ADAMTSL1: variants seen among roughly 807,000 people sequenced by gnomAD.
ADAMTSL1 encodes ADAMTS like 1, also known as ADAMTS-like protein 1.
ADAMTSL1 carries 126 observed loss-of-function variants against 201.8 expected under a neutral mutation model. The ratio of observed to expected loss-of-function variants is 0.62; its 90% CI spans 0.54 to 0.72. The LOEUF is 0.72. ADAMTSL1 is among the 30% of genes least tolerant of loss of function. The pLI is 0.00. For missense variants in ADAMTSL1, 2,679 were observed against 2,277.8 expected (o/e 1.18, Z -3.59); for synonymous variants, 1,121 against 903.4 (o/e 1.24, Z -4.32).
At chr9:18,799,213 T>C (rs1254822010) in intron 20 of ADAMTSL1, among the ~76,000 whole-genome samples, 2 of 152,210 alleles carry the variant, frequency 1.3e-5, no homozygotes, top group Non-Finnish European at 2.9e-5. Context: ...GAGGAGATTA[T>C]AGGAATGTCA....
At chr9:18,476,938 T>C (rs1441221716) in intron 1 of ADAMTSL1, among the ~76,000 whole-genome samples, 1 of 152,184 alleles carries the variant, frequency 6.6e-6, no homozygotes, top group Non-Finnish European at 1.5e-5. Flanking sequence ...GGAACTTATT[T>C]CTGAGAGGAT....
At chr9:18,880,954 G>C (rs1828491795) in intron 23 of ADAMTSL1, among the ~76,000 whole-genome samples, 3 of 152,154 alleles carry the variant, frequency 2.0e-5, no homozygotes, top group Admixed American at 2.0e-4. Context: ...TTTTATGTAA[G>C]AGAGACTGTT....
chr9:18,530,511 C>G (rs1200693706), intron 2 of ADAMTSL1, among the ~76,000 whole-genome samples: 2 of 152,102 alleles, frequency 1.3e-5, no homozygotes, highest in Non-Finnish European at 2.9e-5. Context: ...TTTCACTCAC[C>G]TACTGCAATT....
chr9:18,794,617 T>C (rs914741825), intron 19 of ADAMTSL1, among the ~76,000 whole-genome samples: 1 of 135,138 alleles, frequency 7.4e-6, no homozygotes, highest in Non-Finnish European at 1.5e-5. Context: ...TGTCTGGTTG[T>C]TTTTTGTTGT....
intron 2 of ADAMTSL1, among the ~76,000 whole-genome samples, chr9:18,314,172 CAA>C (rs922724580): frequency 2.0e-5 from 3 of 152,100 alleles, no homozygotes; most frequent in Non-Finnish European, 4.4e-5. Context: ...ATCAAAAAGA[CAA>C]GAGATAGCAC....
intron 2 of ADAMTSL1, among the ~76,000 whole-genome samples, chr9:18,180,757 A>C (rs371398762): frequency 1.5e-4 from 23 of 150,636 alleles, no homozygotes; most frequent in African/African-American, 4.4e-4. Flanking sequence ...GCTACCAATG[A>C]CTTTCTTCAC....
chr9:18,841,480 A>G (rs1395672881), intron 23 of ADAMTSL1, among the ~76,000 whole-genome samples: 2 of 152,096 alleles, frequency 1.3e-5, no homozygotes, highest in Non-Finnish European at 2.9e-5. Context: ...TTCATCAAGG[A>G]TATTGGTCTA....
In ADAMTSL1 at chr9:18,777,513, T is replaced by A. The variant is rs761739481; in HGVS notation, c.3284T>A (p.Leu1095His). The change falls in exon 19 of 29, where the codon CTC becomes CAC. Residue 1095 changes from leucine to histidine, a missense_variant. Leu to His is a moderately conservative substitution (Grantham distance 99). Coordinates refer to ENST00000380548, the MANE Select transcript of ADAMTSL1 (RefSeq NM_001040272.6). ...LSQQPEELRDLYSKHLVAQLA... is the reference protein window; with the variant it reads ...LSQQPEELRDHYSKHLVAQLA... ...CAGCAGCCCGAGGAGCTGCGCGACC[T>A]CTACAGCAAGCACCTGGTGGCCCAG... The A allele has an allele frequency of 1.4e-5, 22 of 1,600,290 alleles. No homozygotes were observed. Among genetic ancestry groups the A allele is most frequent in the Admixed American group, 3.4e-5 (2 of 58,100 alleles).
intron 1 of ADAMTSL1, among the ~76,000 whole-genome samples, chr9:18,057,470 C>A (rs1822246626): frequency 6.6e-6 from 1 of 152,160 alleles, no homozygotes; most frequent in Admixed American, 6.5e-5. Flanking sequence ...TGTGAGGACC[C>A]ATGGAAAGTT....
intron 1 of ADAMTSL1, among the ~76,000 whole-genome samples, chr9:18,099,355 A>ATATATT (rs1239180390): frequency 2.2e-5 from 1 of 45,546 alleles, no homozygotes; most frequent in East Asian, 6.0e-4. Context: ...ATATATATAT[A>ATATATT]TTTTTTTTTT....
In ADAMTSL1 at chr9:18,074,561, C is replaced by CTT. The variant is rs138619215; in HGVS notation, c.88-89292_88-89291dup. Among the ~76,000 whole-genome samples, 40 of 131,372 alleles carry CTT rather than the reference C, an allele frequency of 3.0e-4. 1 individual carries two copies. The highest frequency in any genetic ancestry group is 6.8e-4 in the African/African-American group (24 of 35,242). The allele number at this position is 131,372 out of a possible 152,430, so 86.2% of individuals were successfully genotyped here. A position where few individuals can be genotyped will look rare whatever the true frequency, so the allele number is the denominator to read the frequency against. On this transcript the variant is annotated intron_variant, in intron 1 of 29. Transcript: ENST00000680146. ...TCTCTCTTCTTTTCTCTTCTCTTTT[C>CTT]TTTTTTTTTTCTTCTTTCTTTTTTT...
chr9:17,913,274 A>C (rs1312890892), intron 1 of ADAMTSL1, among the ~76,000 whole-genome samples: 1 of 152,098 alleles, frequency 6.6e-6, no homozygotes, highest in Non-Finnish European at 1.5e-5. Flanking sequence ...TGAATCTATA[A>C]ATTACCTTGG....
chr9:18,431,837 A>G lies in ADAMTSL1; in HGVS notation c.208-72992A>G, dbSNP rs150713222. On this transcript the variant is annotated intron_variant, in intron 2 of 29. Transcript: ENST00000680146. ...ACCTCCAGGACTGAGCATGGTACTC[A>G]TATGACCTGACTAGTACAGATGCAG... 5.9e-5 allele frequency among the ~76,000 whole-genome samples: 9 copies of G among 152,292 alleles called. No homozygotes were observed. The East Asian group carries it at 1.7e-3, about 29-fold the overall frequency.
chr9:18,507,714 C>G (rs1817764413), intron 2 of ADAMTSL1, among the ~76,000 whole-genome samples: 1 of 152,200 alleles, frequency 6.6e-6, no homozygotes, highest in South Asian at 2.1e-4. Context: ...TACAAACCCC[C>G]TACCCCACGC....
intron 2 of ADAMTSL1, among the ~76,000 whole-genome samples, chr9:18,513,979 T>A (rs938628596): frequency 6.6e-6 from 1 of 152,218 alleles, no homozygotes; most frequent in African/African-American, 2.4e-5. Context: ...TCCAGATTGT[T>A]TTTTGTTTCA....
rs772304694 is a variant in ADAMTSL1, at chr9:18,888,040, C to G, written c.4459C>G (p.Gln1487Glu). The G allele has an allele frequency of 2.5e-6, 4 of 1,612,172 alleles. No individual in the cohort carries two copies. The highest frequency in any genetic ancestry group is 3.4e-6 in the Non-Finnish European group (4 of 1,179,124). ...VLMQKASLVI[Q>E]DYWWSVDRLA... ...CATGCAGAAGGCATCTTTAGTGATCCAAGGTAAGAAACCCTGCAGACTTTG... is the reference window on the plus strand; with the variant it reads ...CATGCAGAAGGCATCTTTAGTGATCGAAGGTAAGAAACCCTGCAGACTTTG... The change falls in exon 24 of 29, where the codon CAA becomes GAA. Residue 1487 changes from glutamine (Q) to glutamate (E), a missense_variant. Physicochemically the swap from Gln to Glu is conservative, Grantham distance 29 (BLOSUM62 2). Transcript: ENST00000380548.
chr9:18,624,670 T>C (rs1164412697), intron 5 of ADAMTSL1, among the ~76,000 whole-genome samples: 1 of 152,128 alleles, frequency 6.6e-6, no homozygotes, highest in Non-Finnish European at 1.5e-5. Context: ...AGATAGACAT[T>C]CCTCTTACCC....
intron 2 of ADAMTSL1, among the ~76,000 whole-genome samples, chr9:18,251,108 T>C (rs1831449166): frequency 6.6e-6 from 1 of 152,056 alleles, no homozygotes; most frequent in South Asian, 2.1e-4. Context: ...TAAAAAAAAG[T>C]ATAATTAAAA....
At chr9:18,633,907 TA>T (rs5896791) in intron 5 of ADAMTSL1, among the ~76,000 whole-genome samples, 22,624 of 150,148 alleles carry the variant, frequency 0.15, 1,738 homozygotes, top group Admixed American at 0.21. Flanking sequence ...AAACACTATT[TA>T]AAAAAAAAAT....
Sources: gnomAD v4.1 joint callset for allele counts (sites outside exome capture counted in the v4.1 genomes callset) on GRCh38, gnomAD v4.1.1 for gene constraint, MANE v1.5 for transcripts, NCBI Gene and HGNC (gene_info 2026-07-23, HGNC 2026-07-21) for gene names.